The following NRXN3 variants were observed in gnomAD, a reference collection of about 807,000 sequenced individuals.
The protein encoded by NRXN3 is neurexin III.
In NRXN3, 32 loss-of-function variants were observed where a neutral mutation model predicts 137.6. The ratio of observed to expected loss-of-function variants is 0.23; its 90% CI spans 0.18 to 0.31. The LOEUF is 0.31. Among genes scored for constraint, NRXN3 ranks in the 10% least tolerant of loss-of-function variants. The pLI, the probability that NRXN3 is intolerant of heterozygous loss-of-function variation, is 1.00. For synonymous variants in NRXN3, 798 were observed against 784.5 expected (o/e 1.02, Z -0.29); for missense variants, 1,574 against 2,062.5 (o/e 0.76, Z 4.59).
At chr14:79,089,357 G>A (rs1018997776) in intron 15 of NRXN3, among the ~76,000 whole-genome samples, 1 of 152,100 alleles carries the variant, frequency 6.6e-6, no homozygotes, top group Non-Finnish European at 1.5e-5. Context: ...TGGTAAGAAG[G>A]TTGTTTGCTT....
intron 4 of NRXN3, among the ~76,000 whole-genome samples, chr14:78,499,994 A>G (rs1380128250): frequency 6.6e-6 from 1 of 152,168 alleles, no homozygotes; most frequent in Non-Finnish European, 1.5e-5. Flanking sequence ...CACAAGTTCA[A>G]CGCAAACTCT....
intron 3 of NRXN3, among the ~76,000 whole-genome samples, chr14:78,283,590 C>A (rs2074729682): frequency 6.6e-6 from 1 of 151,868 alleles, no homozygotes; most frequent in Non-Finnish European, 1.5e-5. Context: ...CTCACTGCAA[C>A]CTCTGCCTCC....
intron 16 of NRXN3, among the ~76,000 whole-genome samples, chr14:79,656,698 A>G (rs2098507978): frequency 6.9e-6 from 1 of 145,954 alleles, no homozygotes; most frequent in Admixed American, 7.0e-5. Flanking sequence ...GCCCTCTGTT[A>G]GCATTTCAGA....
intron 15 of NRXN3, among the ~76,000 whole-genome samples, chr14:79,269,438 A>C (rs147106997): frequency 1.8e-3 from 268 of 152,272 alleles, no homozygotes; most frequent in African/African-American, 6.2e-3. Context: ...TTCTGACATT[A>C]ATATAGCATA....
intron 4 of NRXN3, among the ~76,000 whole-genome samples, chr14:78,412,708 C>T (rs948980875): frequency 5.3e-5 from 8 of 152,192 alleles, no homozygotes; most frequent in Non-Finnish European, 1.2e-4. Flanking sequence ...CCGCTGCTCA[C>T]CCGACTCCAT....
intron 20 of NRXN3, among the ~76,000 whole-genome samples, chr14:79,860,662 T>C (rs2099412262): frequency 1.3e-5 from 2 of 152,236 alleles, no homozygotes; most frequent in African/African-American, 2.4e-5. Flanking sequence ...TAATAAATTC[T>C]TAAGTTAAGC....
chr14:78,999,312 AAC>A, intron 15 of NRXN3, among the ~76,000 whole-genome samples: 1 of 152,204 alleles, frequency 6.6e-6, no homozygotes, highest in Non-Finnish European at 1.5e-5. Flanking sequence ...AAATGTGGAA[AAC>A]ACATAAAAGT....
intron 16 of NRXN3, among the ~76,000 whole-genome samples, chr14:79,517,102 C>A (rs1202319965): frequency 2.0e-5 from 3 of 150,890 alleles, no homozygotes; most frequent in South Asian, 2.1e-4. Context: ...GCCCCCCCCC[C>A]CTCAACGAAT....
chr14:79,054,015 A>G (rs1333786092), intron 15 of NRXN3, among the ~76,000 whole-genome samples: 1 of 55,970 alleles, frequency 1.8e-5, no homozygotes, highest in Non-Finnish European at 3.6e-5. Flanking sequence ...TTGTAGTGAC[A>G]TGGATGAAGC....
chr14:78,394,524 G>A (rs904727221), intron 4 of NRXN3, among the ~76,000 whole-genome samples: 1 of 151,756 alleles, frequency 6.6e-6, no homozygotes, highest in Admixed American at 6.6e-5. Context: ...GGATATTGAT[G>A]TGTAGTTTTC....
At chr14:79,080,402 A>G (rs2046748003) in intron 15 of NRXN3, among the ~76,000 whole-genome samples, 1 of 152,220 alleles carries the variant, frequency 6.6e-6, no homozygotes, top group Admixed American at 6.5e-5. Flanking sequence ...AGAGTTACCA[A>G]GTAGAATAGA....
At chr14:78,549,526 T>C (rs1426520966) in intron 4 of NRXN3, among the ~76,000 whole-genome samples, 1 of 152,222 alleles carries the variant, frequency 6.6e-6, no homozygotes, top group Non-Finnish European at 1.5e-5. Flanking sequence ...TGCTCAAGTT[T>C]CTGGTGTTCC....
At chr14:78,366,318 GTC>G (rs2085935802) in intron 4 of NRXN3, among the ~76,000 whole-genome samples, 2 of 152,282 alleles carry the variant, frequency 1.3e-5, no homozygotes, top group South Asian at 2.1e-4. Context: ...AGAGCTTTCT[GTC>G]TCTGTCTCTT....
intron 1 of NRXN3, among the ~76,000 whole-genome samples, chr14:78,239,228 C>T (rs2066755323): frequency 6.6e-6 from 1 of 152,238 alleles, no homozygotes; most frequent in Admixed American, 6.5e-5. Context: ...CTCCAGGGAG[C>T]CCCCCATCAG....
intron 4 of NRXN3, among the ~76,000 whole-genome samples, chr14:78,451,099 C>T (rs1026026053): frequency 3.1e-4 from 47 of 152,142 alleles, no homozygotes; most frequent in Admixed American, 2.5e-3. Flanking sequence ...TGTCTCTGGC[C>T]ACCTCTTCCC....
At chr14:78,812,662 T>G (rs2098917910) in intron 10 of NRXN3, among the ~76,000 whole-genome samples, 1 of 152,188 alleles carries the variant, frequency 6.6e-6, no homozygotes, top group South Asian at 2.1e-4. Flanking sequence ...TGATAAAATA[T>G]TTTCTATTTA....
chr14:78,319,555 G>A (rs1229533362), intron 4 of NRXN3, among the ~76,000 whole-genome samples: 1 of 152,154 alleles, frequency 6.6e-6, no homozygotes, highest in Admixed American at 6.5e-5. Context: ...CATGTGACCC[G>A]TGAGCCCCAA....
At chr14:79,691,104 T>C (rs2098714846) in intron 17 of NRXN3, among the ~76,000 whole-genome samples, 1 of 152,000 alleles carries the variant, frequency 6.6e-6, no homozygotes, top group Non-Finnish European at 1.5e-5. Flanking sequence ...ATTTTGTTAT[T>C]TGAAGCATAT....
At chr14:78,838,630 AG>A (rs539044654) in intron 10 of NRXN3, among the ~76,000 whole-genome samples, 345 of 152,346 alleles carry the variant, frequency 2.3e-3, no homozygotes, top group Non-Finnish European at 4.1e-3. Context: ...AAATGCCTTC[AG>A]GGGAATTTGA....
Sources: gnomAD v4.1 joint callset for allele counts (sites outside exome capture counted in the v4.1 genomes callset) on GRCh38, gnomAD v4.1.1 for gene constraint, MANE v1.5 for transcripts, NCBI Gene and HGNC (gene_info 2026-07-23, HGNC 2026-07-21) for gene names.